Variants in MACROD2 observed in about 807,000 individuals in gnomAD.
MACROD2 encodes ADP-ribose glycohydrolase MACROD2.
MACROD2 carries 36 observed loss-of-function variants against 70.4 expected under a neutral mutation model. The ratio of observed to expected loss-of-function variants is 0.51; its 90% CI spans 0.39 to 0.68. The LOEUF (loss-of-function observed/expected upper bound fraction) is 0.68, where lower values mean the gene tolerates loss of function less well. Ranked by LOEUF, MACROD2 falls within the 30% of genes least tolerant of loss-of-function variation. The probability of loss-of-function intolerance (pLI) is 0.00; values close to 1 mark genes in which losing one functional copy is unlikely to be tolerated. For missense variants in MACROD2, 496 were observed against 538.4 expected, an observed-to-expected ratio of 0.92 and a Z score of 0.78; for synonymous variants, 172 against 178.8, an observed-to-expected ratio of 0.96 and a Z score of 0.30.
intron 6 of MACROD2, among the ~76,000 whole-genome samples, chr20:15,276,172 G>A (rs963311646): frequency 6.6e-5 from 10 of 152,016 alleles, no homozygotes; most frequent in South Asian, 2.1e-4. Flanking sequence ...AGGCCGAGGC[G>A]GGCGGATCAC....
intron 3 of MACROD2, among the ~76,000 whole-genome samples, chr20:14,226,963 G>A (rs944252790): frequency 1.3e-5 from 2 of 152,242 alleles, no homozygotes; most frequent in African/African-American, 4.8e-5. Context: ...GAAGCCAGCT[G>A]GGCTCCTGAG....
intron 3 of MACROD2, among the ~76,000 whole-genome samples, chr20:14,227,281 C>A (rs1359909714): frequency 2.0e-5 from 3 of 152,106 alleles, no homozygotes; most frequent in African/African-American, 7.2e-5. Flanking sequence ...CTGCCGGAGC[C>A]AGCAGTGGCA....
chr20:15,574,073 A>G (rs1270584469), intron 8 of MACROD2, among the ~76,000 whole-genome samples: 2 of 152,118 alleles, frequency 1.3e-5, no homozygotes, highest in African/African-American at 4.8e-5. Flanking sequence ...GCTTTTGGCA[A>G]TACTACTCTT....
At chr20:14,719,241 A>T (rs756354457) in intron 5 of MACROD2, among the ~76,000 whole-genome samples, 8 of 152,198 alleles carry the variant, frequency 5.3e-5, no homozygotes, top group Non-Finnish European at 1.0e-4. Context: ...AAAAAAAAAA[A>T]ATACAAATAG....
intron 8 of MACROD2, among the ~76,000 whole-genome samples, chr20:15,647,664 G>T (rs2049568631): frequency 6.6e-6 from 1 of 151,904 alleles, no homozygotes; most frequent in Non-Finnish European, 1.5e-5. Context: ...TACTGATAGG[G>T]TCTGGATGAA....
At chr20:15,902,519 G>A (rs1180534952) in intron 10 of MACROD2, among the ~76,000 whole-genome samples, 1 of 152,030 alleles carries the variant, frequency 6.6e-6, no homozygotes, top group Non-Finnish European at 1.5e-5. Context: ...CGGAGTTTCT[G>A]TCAGTCAGGA....
chr20:14,314,831 C>T (rs1046486674), intron 3 of MACROD2, among the ~76,000 whole-genome samples: 3 of 151,850 alleles, frequency 2.0e-5, no homozygotes, highest in Non-Finnish European at 4.4e-5. Flanking sequence ...AACCCATACC[C>T]GTGAGTTAAG....
At chr20:14,869,728 A>G (rs2073466903) in intron 5 of MACROD2, among the ~76,000 whole-genome samples, 1 of 152,158 alleles carries the variant, frequency 6.6e-6, no homozygotes, top group African/African-American at 2.4e-5. Context: ...ATTGTTGGTA[A>G]AGTAGTATCT....
At chr20:15,568,635 T>A (rs1444857308) in intron 8 of MACROD2, among the ~76,000 whole-genome samples, 2 of 152,178 alleles carry the variant, frequency 1.3e-5, no homozygotes, top group African/African-American at 4.8e-5. Context: ...TGATCAGAGC[T>A]AGTCATGTAG....
intron 10 of MACROD2, among the ~76,000 whole-genome samples, chr20:15,929,722 ATGT>A (rs1162653223): frequency 1.3e-5 from 2 of 152,308 alleles, no homozygotes; most frequent in African/African-American, 2.4e-5. Flanking sequence ...ATCCGTGATC[ATGT>A]TGTTGAGATT....
chr20:15,555,157 G>A (rs771066278), intron 8 of MACROD2, among the ~76,000 whole-genome samples: 9 of 152,194 alleles, frequency 5.9e-5, no homozygotes, highest in Non-Finnish European at 1.2e-4. Context: ...GGTGAGGAGG[G>A]AGTGAGAGGC....
chr20:14,957,916 T>C (rs2074551255), intron 5 of MACROD2, among the ~76,000 whole-genome samples: 1 of 151,624 alleles, frequency 6.6e-6, no homozygotes, highest in Admixed American at 6.6e-5. Flanking sequence ...TTTTTTATAA[T>C]AGAAGTTATA....
chr20:15,206,443 G>C (rs175256), intron 5 of MACROD2, among the ~76,000 whole-genome samples: 27,099 of 151,880 alleles, frequency 0.18, 2,616 homozygotes, highest in African/African-American at 0.24. Context: ...AGAATAAAAT[G>C]CAAAAATCTT....
At chr20:15,965,397 G>A (rs550776074) in intron 12 of MACROD2, among the ~76,000 whole-genome samples, 20 of 152,154 alleles carry the variant, frequency 1.3e-4, no homozygotes, top group African/African-American at 4.8e-4. Flanking sequence ...TTGTAAACTC[G>A]ATGTAAATCA....
At chr20:14,199,066 A>C (rs1314327708) in intron 3 of MACROD2, among the ~76,000 whole-genome samples, 1 of 151,676 alleles carries the variant, frequency 6.6e-6, no homozygotes, top group Non-Finnish European at 1.5e-5. Context: ...TCTTTCTTTA[A>C]AAAGCATGAC....
At chr20:15,755,797 C>G (rs1045228259) in intron 8 of MACROD2, among the ~76,000 whole-genome samples, 4 of 152,170 alleles carry the variant, frequency 2.6e-5, no homozygotes, top group Admixed American at 2.6e-4. Flanking sequence ...TGTCCATCAT[C>G]AGTCAACATG....
At chr20:14,033,267 C>A (rs1037005976) in intron 2 of MACROD2, among the ~76,000 whole-genome samples, 1 of 151,606 alleles carries the variant, frequency 6.6e-6, no homozygotes, top group Non-Finnish European at 1.5e-5. Context: ...TTTCTAGATT[C>A]TTTATTTCAT....
At chr20:14,500,797 C>T (rs1411366845) in intron 4 of MACROD2, among the ~76,000 whole-genome samples, 2 of 152,222 alleles carry the variant, frequency 1.3e-5, no homozygotes, top group African/African-American at 4.8e-5. Context: ...ATTAAATGCT[C>T]CTTCTCATTG....
At chr20:15,078,610 C>T (rs181247485) in intron 5 of MACROD2, among the ~76,000 whole-genome samples, 18 of 152,262 alleles carry the variant, frequency 1.2e-4, no homozygotes, top group Admixed American at 1.2e-3. Context: ...CATGTGTATT[C>T]TTCCCTGTTT....
Sources: allele counts gnomAD v4.1 joint callset (sites outside exome capture counted in the v4.1 genomes callset), GRCh38; gene constraint gnomAD v4.1.1; transcripts MANE v1.5; gene names NCBI Gene and HGNC (gene_info 2026-07-23, HGNC 2026-07-21).